The following NDUFA5 variants were observed in gnomAD, a reference collection of about 807,000 sequenced individuals.
NDUFA5 encodes NADH dehydrogenase [ubiquinone] 1 alpha subcomplex subunit 5.
A neutral mutation model predicts 19.8 loss-of-function variants in NDUFA5; 11 were observed. That is an observed-to-expected ratio of 0.56 (90% confidence interval 0.35 to 0.92). The LOEUF is 0.92. NDUFA5 is among the 40% of genes least tolerant of loss of function. The probability of loss-of-function intolerance (pLI) is 0.01; values close to 1 mark genes in which losing one functional copy is unlikely to be tolerated. For missense variants in NDUFA5, 109 were observed against 134.2 expected, an observed-to-expected ratio of 0.81 and a Z score of 0.93; for synonymous variants, 47 against 46.8, an observed-to-expected ratio of 1.00 and a Z score of -0.01.
At chr7:123,568,282 G>A in the NDUFA5 span, among the ~76,000 whole-genome samples, 1 of 152,254 alleles carries the variant, frequency 6.6e-6, no homozygotes, top group East Asian at 1.9e-4. Context: ...GGAGGCTGAG[G>A]CGGGCAGATC....
At chr7:123,580,401 G>C in the NDUFA5 span, among the ~76,000 whole-genome samples, 1 of 151,950 alleles carries the variant, frequency 6.6e-6, no homozygotes, top group African/African-American at 2.4e-5. Flanking sequence ...CTAGGCACAG[G>C]AGAGGCTTTG....
rs550671521 is a variant in NDUFA5 at position 123,545,523 on chromosome 7, C to A, written c.249+88G>T. 6.8e-6 allele frequency: 7 copies of A among 1,033,576 alleles called. No individual in the cohort carries two copies. In the Admixed American group the frequency reaches 1.2e-4, roughly 17 times the overall value. The allele number at this position is 1,033,576 out of a possible 1,614,324, so 64.0% of individuals were successfully genotyped here. A position where few individuals can be genotyped will look rare whatever the true frequency, so the allele number is the denominator to read the frequency against. ...TACATATTTGACGAGTTGATATAAA[C>A]AAGGAAATTTAGTTTTCCTTTCATT... On this transcript the variant is annotated intron_variant, in intron 4 of 4. Coordinates refer to ENST00000355749, the MANE Select transcript of NDUFA5 (RefSeq NM_005000.5).
the NDUFA5 span, among the ~76,000 whole-genome samples, chr7:123,590,843 G>A: frequency 6.6e-6 from 1 of 152,058 alleles, no homozygotes; most frequent in African/African-American, 2.4e-5. Flanking sequence ...AACAAAGGCA[G>A]TGGTAGCTTG....
intron 3 of NDUFA5, among the ~76,000 whole-genome samples, chr7:123,548,498 A>T (rs1798214585): frequency 6.6e-6 from 1 of 152,218 alleles, no homozygotes; most frequent in African/African-American, 2.4e-5. Context: ...TATGAAGAAA[A>T]AGTAAGAACT....
chr7:123,572,421 G>A, the NDUFA5 span, among the ~76,000 whole-genome samples: 2,295 of 151,914 alleles, frequency 0.015, 51 homozygotes, highest in African/African-American at 0.052. Flanking sequence ...TTACAGGCAC[G>A]AGCCACCACG....
At chr7:123,575,045 T>G in the NDUFA5 span, among the ~76,000 whole-genome samples, 14 of 147,150 alleles carry the variant, frequency 9.5e-5, no homozygotes. Context: ...GCATTTAATA[T>G]GACAGGTATG....
chr7:123,558,028 G>T, upstream of NDUFA5: 1 of 669,808 alleles, frequency 1.5e-6, no homozygotes, highest in Non-Finnish European at 2.5e-6. Context: ...GGAAAGAAAG[G>T]GTTTCCCAGC....
At position 123,541,534 on chromosome 7, in the gene NDUFA5, G is replaced by A. The variant is rs1266765035; in HGVS notation, c.*585C>T. 1 of 152,058 alleles carries A rather than the reference G, an allele frequency of 6.6e-6. No homozygotes were observed. Among genetic ancestry groups the A allele is most frequent in the Non-Finnish European group, 1.5e-5 (1 of 68,006 alleles). 9.4% of individuals were successfully genotyped at this position (152,058 alleles called of 1,614,324 possible). A position where few individuals can be genotyped will look rare whatever the true frequency, so the allele number is the denominator to read the frequency against. ...AGAGTAAATGGTATAATTCAATAAT[G>A]ACTAAAATAAAATGACACTATGGAT... On this transcript the variant is annotated 3_prime_UTR_variant, in exon 5 of 5. Coordinates refer to ENST00000355749, the MANE Select transcript of NDUFA5 (RefSeq NM_005000.5).
the NDUFA5 span, among the ~76,000 whole-genome samples, chr7:123,599,183 G>A: frequency 4.6e-5 from 7 of 152,120 alleles, no homozygotes; most frequent in East Asian, 1.3e-3. Flanking sequence ...ATGAAGCCAA[G>A]AGAGATATAC....
chr7:123,553,620 T>C (rs1333162309), intron 2 of NDUFA5, among the ~76,000 whole-genome samples: 2 of 152,060 alleles, frequency 1.3e-5, no homozygotes, highest in African/African-American at 4.8e-5. Flanking sequence ...GGGAAATACA[T>C]AGAGCAAAGA....
At position 123,541,966 on chromosome 7, in the gene NDUFA5, A is replaced by G; in HGVS notation, c.*153T>C. The G allele has an allele frequency of 4.4e-6, 2 of 450,518 alleles. No individual in the cohort carries two copies. The highest frequency in any genetic ancestry group is 7.6e-6 in the Non-Finnish European group (2 of 262,542). 27.9% of individuals were successfully genotyped at this position (450,518 alleles called of 1,614,324 possible). On this transcript the variant is annotated 3_prime_UTR_variant, in exon 5 of 5. Coordinates refer to ENST00000355749, the MANE Select transcript of NDUFA5 (RefSeq NM_005000.5). ...AAATCAAAAATTGATTCACATGACCATATTACCATAATCACCAATTTTAAC... is the reference window on the plus strand; with the variant it reads ...AAATCAAAAATTGATTCACATGACCGTATTACCATAATCACCAATTTTAAC...
At chr7:123,552,636 TAAAA>T (rs774901648) in intron 2 of NDUFA5, among the ~76,000 whole-genome samples, 1 of 67,412 alleles carries the variant, frequency 1.5e-5, no homozygotes. Context: ...AAAGTATAAC[TAAAA>T]AAAAAAAAAA....
chr7:123,597,254 A>G, the NDUFA5 span, among the ~76,000 whole-genome samples: 2 of 152,180 alleles, frequency 1.3e-5, no homozygotes, highest in South Asian at 2.1e-4. Context: ...TCACCAGCCT[A>G]TCTGAACATT....
chr7:123,600,146 C>T, the NDUFA5 span, among the ~76,000 whole-genome samples: 1 of 152,134 alleles, frequency 6.6e-6, no homozygotes. Context: ...ATCATCATCA[C>T]TCCCATACTA....
chr7:123,548,678 A>T (rs1027950433), intron 3 of NDUFA5, among the ~76,000 whole-genome samples: 1 of 152,200 alleles, frequency 6.6e-6, no homozygotes, highest in Non-Finnish European at 1.5e-5. Context: ...CAGAACTTAG[A>T]AGGCCTTCTA....
chr7:123,540,896 A>ACG lies in NDUFA5; in HGVS notation c.*1222_*1223insCG, dbSNP rs1797916597. ...CAAATGTGCGCATGCGCGTGCACAC[A>ACG]CACACACACACACACACACACACAC... On this transcript the variant is annotated 3_prime_UTR_variant, in exon 5 of 5. Transcript: ENST00000355749. 1.2e-5 allele frequency: 1 copy of ACG among 83,116 alleles called. No homozygotes were observed. Among genetic ancestry groups the ACG allele is most frequent in the East Asian group, 3.5e-4 (1 of 2,886 alleles). 5.1% of individuals were successfully genotyped at this position (83,116 alleles called of 1,614,324 possible).
At chr7:123,586,271 C>G in the NDUFA5 span, among the ~76,000 whole-genome samples, 12 of 151,790 alleles carry the variant, frequency 7.9e-5, no homozygotes, top group African/African-American at 2.7e-4. Flanking sequence ...AACAGCCTTC[C>G]TAACAGGTGT....
At position 123,538,644 on chromosome 7, in the gene NDUFA5, C is replaced by T. The variant is rs972512086; in HGVS notation, c.*3475G>A. The T allele has an allele frequency of 6.6e-6, 1 of 152,228 alleles. No individual in the cohort carries two copies. The highest frequency in any genetic ancestry group is 2.4e-5 in the African/African-American group (1 of 41,446). 9.4% of individuals were successfully genotyped at this position (152,228 alleles called of 1,614,324 possible). ...ACCTCAAGTGATCCACCCACCTCGG[C>T]CTCCCAAAGTAGTGGGATTATAGGT... On this transcript the variant is annotated 3_prime_UTR_variant, in exon 5 of 5. Transcript: ENST00000355749.
chr7:123,547,173 T>G (rs1798163977), intron 3 of NDUFA5, among the ~76,000 whole-genome samples: 1 of 152,128 alleles, frequency 6.6e-6, no homozygotes, highest in Non-Finnish European at 1.5e-5. Flanking sequence ...TTGATTTGGG[T>G]CCCTGATGTT....
Sources: gnomAD v4.1 joint callset for allele counts (sites outside exome capture counted in the v4.1 genomes callset) on GRCh38, gnomAD v4.1.1 for gene constraint, MANE v1.5 for transcripts, NCBI Gene and HGNC (gene_info 2026-07-23, HGNC 2026-07-21) for gene names.